FBXO25: variants seen among roughly 807,000 people sequenced by gnomAD.
FBXO25 encodes the protein F-box protein 25.
A neutral mutation model predicts 51.9 loss-of-function variants in FBXO25; 45 were observed. The observed-to-expected ratio is 0.87, with a 90% CI of 0.68 to 1.11. FBXO25 has a LOEUF of 1.11. FBXO25 is among the 50% of genes most tolerant of loss of function. The pLI, the probability that FBXO25 is intolerant of heterozygous loss-of-function variation, is 0.00. For synonymous variants in FBXO25, 199 were observed against 151.0 expected, an observed-to-expected ratio of 1.32 and a Z score of -2.33; for missense variants, 507 against 428.5, an observed-to-expected ratio of 1.18 and a Z score of -1.62.
At chr8:408,017 G>A (rs1191293991) in intron 1 of FBXO25, among the ~76,000 whole-genome samples, 1 of 152,106 alleles carries the variant, frequency 6.6e-6, no homozygotes, top group Non-Finnish European at 1.5e-5. Context: ...CAGAAAAGAC[G>A]TTTACTCTTT....
chr8:468,614 C>T, intron 9 of FBXO25, 101 bp from the exon 10 acceptor site: 2 of 842,302 alleles, frequency 2.4e-6, no homozygotes, highest in Non-Finnish European at 3.9e-6. Context: ...AGGTGGGGCC[C>T]AGGGTCCACA....
intron 5 of FBXO25, among the ~76,000 whole-genome samples, chr8:442,530 C>T (rs1798489899): frequency 6.6e-6 from 1 of 152,054 alleles, no homozygotes; most frequent in African/African-American, 2.4e-5. Flanking sequence ...AGTGCAGTGG[C>T]ATAATCTTGG....
At chr8:442,784 A>G (rs1376737233) in intron 5 of FBXO25, among the ~76,000 whole-genome samples, 2 of 152,178 alleles carry the variant, frequency 1.3e-5, no homozygotes, top group African/African-American at 4.8e-5. Context: ...TCCACTTTAT[A>G]AAAAGATTCT....
At chr8:432,703 CAT>C (rs1341698627) in intron 3 of FBXO25, among the ~76,000 whole-genome samples, 181 bp from the exon 4 acceptor site, 2 of 152,172 alleles carry the variant, frequency 1.3e-5, no homozygotes, top group African/African-American at 2.4e-5. Flanking sequence ...AATCATTGTT[CAT>C]ATCTTAAACT....
Position 463,115 on chromosome 8 carries a change from C to A in FBXO25, c.952C>A (p.His318Asn). 1.2e-6 allele frequency: 2 copies of A among 1,613,600 alleles called. No homozygotes were observed. Among genetic ancestry groups the A allele is most frequent in the Non-Finnish European group, 1.7e-6 (2 of 1,179,924 alleles). The change falls in exon 9 of 10, where the codon CAT becomes AAT. Residue 318 changes from histidine to asparagine, a missense_variant. Coordinates refer to ENST00000350302, the MANE Select transcript of FBXO25 (RefSeq NM_183420.2). ...GAAGGAGCAGTACGGAGACACACTG[C>A]ATTTCTGTCGGCACTGCAGCATTCT... ...PAKEQYGDTL[H>N]FCRHCSILFW...
chr8:450,149 A>C, intron 6 of FBXO25, 66 bp downstream of exon 6: 1 of 1,208,560 alleles, frequency 8.3e-7, no homozygotes, highest in Non-Finnish European at 1.2e-6. Context: ...AGGAGATGGG[A>C]TTTTTCTTTT....
chr8:429,246 C>T lies in FBXO25; in HGVS notation c.135-2095C>T, dbSNP rs542068941. ...AATTTGCCAGTAGCCTCATAATGAG[C>T]GTGAGGTAGTATCTCATCGTAGTGT... is the stretch of plus-strand genomic sequence containing the variant. On this transcript the variant is annotated intron_variant, in intron 2 of 9. Transcript: ENST00000350302. Among the ~76,000 whole-genome samples, 22 of 152,148 alleles carry T rather than the reference C, an allele frequency of 1.4e-4. No individual in the cohort carries two copies. The South Asian group carries it at 2.9e-3, about 20-fold the overall frequency.
In FBXO25 at chr8:476,895, G is replaced by GTTGAC. The variant is rs1193602481; in HGVS notation, c.*8096_*8100dup. 6.6e-6 allele frequency: 1 copy of GTTGAC among 151,982 alleles called. No individual in the cohort carries two copies. Among genetic ancestry groups the GTTGAC allele is most frequent in the Non-Finnish European group, 1.5e-5 (1 of 68,004 alleles). 9.4% of individuals were successfully genotyped at this position (151,982 alleles called of 1,614,324 possible). On this transcript the variant is annotated 3_prime_UTR_variant, in exon 10 of 10. Transcript: ENST00000350302. ...TAGTTCTTTCAGATGTAAATTTAGG[G>GTTGAC]TTGACTTGAGATCTTAATTTGTTTA...
In FBXO25 at chr8:474,580, G is replaced by C; in HGVS notation, c.*5776G>C. The C allele has an allele frequency of 2.6e-6, 1 of 378,476 alleles. No individual in the cohort carries two copies. The highest frequency in any genetic ancestry group is 7.2e-5 in the East Asian group (1 of 13,954). 23.4% of individuals were successfully genotyped at this position (378,476 alleles called of 1,614,324 possible). Reference sequence around the variant, plus strand: ...TTTAATAATTGCCATCCTAATGAGTGTGAAGTGGTATCCTGCTGAGATTTT... The same window carrying C: ...TTTAATAATTGCCATCCTAATGAGTCTGAAGTGGTATCCTGCTGAGATTTT... On this transcript the variant is annotated 3_prime_UTR_variant, in exon 10 of 10. Coordinates refer to ENST00000350302, the MANE Select transcript of FBXO25 (RefSeq NM_183420.2).
At chr8:421,679 A>T (rs769974860) in intron 2 of FBXO25, among the ~76,000 whole-genome samples, 4 of 152,128 alleles carry the variant, frequency 2.6e-5, no homozygotes, top group Admixed American at 1.3e-4. Flanking sequence ...AAGTCTGTTG[A>T]CAGAGGGCCT....
rs1369694446 is a variant in FBXO25 at position 475,474 on chromosome 8, G to A, written c.*6670G>A. 4 of 153,472 alleles carry A rather than the reference G, an allele frequency of 2.6e-5. No homozygotes were observed. Among genetic ancestry groups the A allele is most frequent in the Non-Finnish European group, 5.8e-5 (4 of 69,124 alleles). The allele number at this position is 153,472 out of a possible 1,614,324, so 9.5% of individuals were successfully genotyped here. On this transcript the variant is annotated 3_prime_UTR_variant, in exon 10 of 10. Coordinates refer to ENST00000350302, the MANE Select transcript of FBXO25 (RefSeq NM_183420.2). ...AGGATGGAAAAAAAAAAGCCACTGGGATATTCTGATAGAGATTGCATGAAA... is the reference window on the plus strand; with the variant it reads ...AGGATGGAAAAAAAAAAGCCACTGGAATATTCTGATAGAGATTGCATGAAA...
chr8:413,816 C>A (rs1454139269), intron 2 of FBXO25, among the ~76,000 whole-genome samples: 2 of 152,196 alleles, frequency 1.3e-5, no homozygotes, highest in Admixed American at 1.3e-4. Context: ...ACCTTGTTGG[C>A]TAGAGCACTA....
intron 9 of FBXO25, 82 bp downstream of exon 9, chr8:463,232 C>G: frequency 6.8e-7 from 1 of 1,462,502 alleles, no homozygotes; most frequent in South Asian, 1.2e-5. Context: ...AAGTATAAGA[C>G]TAAAAAGCGG....
At chr8:457,103 A>G (rs1360727260) in intron 7 of FBXO25, among the ~76,000 whole-genome samples, 1 of 152,188 alleles carries the variant, frequency 6.6e-6, no homozygotes, top group Admixed American at 6.5e-5. Context: ...ACATCGACCT[A>G]TTGGGAACAA....
intron 2 of FBXO25, among the ~76,000 whole-genome samples, chr8:415,335 A>G (rs1796731385): frequency 6.6e-6 from 1 of 152,210 alleles, no homozygotes; most frequent in South Asian, 2.1e-4. Context: ...TAGGGAAGAA[A>G]TTAAGCAATT....
Position 471,885 on chromosome 8 carries a change from A to G in FBXO25, c.*3081A>G, listed in dbSNP as rs1800497545. On this transcript the variant is annotated 3_prime_UTR_variant, in exon 10 of 10. Transcript: ENST00000350302. ...AGCAAACTGTGTCTACTTTATGGAA[A>G]AAATTTAACCATCTGTGAACAGTTT... The G allele has an allele frequency of 6.6e-6, 1 of 152,216 alleles. No individual in the cohort carries two copies. Among genetic ancestry groups the G allele is most frequent in the African/African-American group, 2.4e-5 (1 of 41,458 alleles). The allele number at this position is 152,216 out of a possible 1,614,324, so 9.4% of individuals were successfully genotyped here.
chr8:440,132 A>C (rs1229940782), intron 5 of FBXO25, among the ~76,000 whole-genome samples: 1 of 152,214 alleles, frequency 6.6e-6, no homozygotes, highest in East Asian at 1.9e-4. Flanking sequence ...CTCTGCAGCC[A>C]CACAGCCGTT....
Sources: gnomAD v4.1 joint callset for allele counts (sites outside exome capture counted in the v4.1 genomes callset) on GRCh38, gnomAD v4.1.1 for gene constraint, MANE v1.5 for transcripts, NCBI Gene and HGNC (gene_info 2026-07-23, HGNC 2026-07-21) for gene names.